The following SH3TC1 variants were observed in gnomAD, a reference collection of about 807,000 sequenced individuals.
SH3TC1 encodes SH3 domain and tetratricopeptide repeats 1, also known as SH3 domain and tetratricopeptide repeat-containing protein 1.
A neutral mutation model predicts 117.3 loss-of-function variants in SH3TC1; 135 were observed. The observed-to-expected ratio is 1.15, with a 90% CI of 1.00 to 1.33. The LOEUF (loss-of-function observed/expected upper bound fraction) is 1.33, where lower values mean the gene tolerates loss of function less well. Ranked by LOEUF, SH3TC1 falls within the 40% of genes most tolerant of loss-of-function variation. The pLI is 0.00. For missense variants in SH3TC1, 2,092 were observed against 1,794.3 expected (o/e 1.17, Z -3.00); for synonymous variants, 898 against 816.9 (o/e 1.10, Z -1.69).
At position 8,192,396 on chromosome 4, in the gene SH3TC1, A is replaced by G. The variant is rs1446949302; in HGVS notation, c.-57+10186A>G. Reference sequence around the variant, plus strand: ...TTTCGCCCTGCCCCTCAGTCTCCCCATTTGTAAGCCTGAAGGTTGTAAATT... The same window carrying G: ...TTTCGCCCTGCCCCTCAGTCTCCCCGTTTGTAAGCCTGAAGGTTGTAAATT... On this transcript the variant is annotated intron_variant, in intron 1 of 16. Coordinates refer to the SH3TC1 transcript ENST00000508641. This position sits in a 1 kb window ranked among gnomAD's most constrained non-coding sequence, Gnocchi z 4.1. Among the ~76,000 whole-genome samples, 2 of 151,994 alleles carry G rather than the reference A, an allele frequency of 1.3e-5. No homozygotes were observed. The highest frequency in any genetic ancestry group is 2.4e-5 in the African/African-American group (1 of 41,350).
rs117225837 is a variant in SH3TC1, at chr4:8,201,144, C to T, written c.-29+1739C>T. ...CCTAGAAGTATTTGTTCCGTAAGAG[C>T]CTGGCGAAAGCTTGGCCAAAGCTTC... On this transcript the variant is annotated intron_variant, in intron 1 of 17. Coordinates refer to ENST00000245105, the MANE Select transcript of SH3TC1 (RefSeq NM_018986.5). Among the ~76,000 whole-genome samples, 275 of 152,298 alleles carry T rather than the reference C, an allele frequency of 1.8e-3. 5 individuals are homozygous for T. The East Asian group carries it at 0.036, about 20-fold the overall frequency.
At chr4:8,207,492 G>T (rs1052631894) in intron 2 of SH3TC1, among the ~76,000 whole-genome samples, 8 of 152,148 alleles carry the variant, frequency 5.3e-5, no homozygotes, top group Non-Finnish European at 1.2e-4. Context: ...TCATGGGCTG[G>T]CCTGGCTGAA....
chr4:8,191,227 C>T (rs749402871), intron 1 of SH3TC1, among the ~76,000 whole-genome samples: 1 of 152,270 alleles, frequency 6.6e-6, no homozygotes, highest in Non-Finnish European at 1.5e-5. Flanking sequence ...GGACTGTGGA[C>T]CTGCTGGGCC....
intron 14 of SH3TC1, 58 bp downstream of exon 14, chr4:8,233,571 CCGTCCATT>C: frequency 6.6e-7 from 1 of 1,510,680 alleles, no homozygotes; most frequent in Non-Finnish European, 8.9e-7. Flanking sequence ...ATCCATCCAT[CCGTCCATT>C]GATGATGATG....
rs116610973 is a variant in SH3TC1, at chr4:8,234,582, C to T, written c.3283-851C>T. On this transcript the variant is annotated intron_variant, in intron 14 of 17. Transcript: ENST00000245105. ...GCTCATCCATTTATCCATCCATCCA[C>T]CCATCCATCCATCCATCCATCCATG... 8.6e-4 allele frequency among the ~76,000 whole-genome samples: 66 copies of T among 76,718 alleles called. 1 individual carries two copies. The highest frequency in any genetic ancestry group is 7.1e-3 in the Middle Eastern group (1 of 140). 50.3% of individuals were successfully genotyped at this position (76,718 alleles called of 152,430 possible). A position where few individuals can be genotyped will look rare whatever the true frequency, so the allele number is the denominator to read the frequency against.
Position 8,210,219 on chromosome 4 carries a change from G to A in SH3TC1, c.247+397G>A, listed in dbSNP as rs1037090165. ...GATCGCCGCAGGGCACAGGTGGAGG[G>A]AGGCAGCCCTGGGCCGGGGAGCAGA... On this transcript the variant is annotated intron_variant, in intron 3 of 17. Coordinates refer to ENST00000245105, the MANE Select transcript of SH3TC1 (RefSeq NM_018986.5). The surrounding 1 kb of genome is among the most constrained non-coding windows in gnomAD (Gnocchi z 4.1). Among the ~76,000 whole-genome samples, 1 of 152,196 alleles carries A rather than the reference G, an allele frequency of 6.6e-6. No homozygotes were observed. The highest frequency in any genetic ancestry group is 2.4e-5 in the African/African-American group (1 of 41,476).
At chr4:8,234,811 T>C (rs141240550) in intron 14 of SH3TC1, among the ~76,000 whole-genome samples, 324 of 152,356 alleles carry the variant, frequency 2.1e-3, no homozygotes, top group Middle Eastern at 0.014. Flanking sequence ...TCAAATAATG[T>C]GGCCTCTCAG....
intron 17 of SH3TC1, among the ~76,000 whole-genome samples, chr4:8,239,997 C>T (rs1450494755): frequency 6.6e-6 from 1 of 152,214 alleles, no homozygotes; most frequent in East Asian, 1.9e-4. Context: ...TGTCCTTGGC[C>T]CTGGGAGCCA....
chr4:8,226,598 G>A (rs542546905), intron 11 of SH3TC1, among the ~76,000 whole-genome samples: 3 of 152,330 alleles, frequency 2.0e-5, no homozygotes, highest in Non-Finnish European at 2.9e-5. Context: ...GTAGTGCTGC[G>A]TACACTTGGG....
chr4:8,215,796 C>T (rs1179394859), intron 5 of SH3TC1, among the ~76,000 whole-genome samples: 4 of 152,232 alleles, frequency 2.6e-5, no homozygotes, highest in South Asian at 2.1e-4. Flanking sequence ...ATACCCCCTG[C>T]GGCCTGCACG....
chr4:8,232,194 G>T (rs1437131646), intron 13 of SH3TC1, 38 bp downstream of exon 13: 3 of 344,086 alleles, frequency 8.7e-6, no homozygotes, highest in Non-Finnish European at 1.7e-5. Context: ...GCGGGGGGAG[G>T]GGGCAAAGGG....
intron 7 of SH3TC1, among the ~76,000 whole-genome samples, chr4:8,217,712 C>T (rs1040802791): frequency 2.6e-5 from 4 of 152,250 alleles, no homozygotes; most frequent in Non-Finnish European, 5.9e-5. Context: ...AGAGGAGCTT[C>T]TCCTAAGAAT....
chr4:8,236,164 A>T (rs1721794294), intron 15 of SH3TC1, 114 bp from the exon 16 acceptor site: 2 of 1,310,176 alleles, frequency 1.5e-6, no homozygotes, highest in East Asian at 5.6e-5. Flanking sequence ...AGCTGTGTCG[A>T]GGCCCAGGGG....
chr4:8,241,061 G>A lies in SH3TC1; in HGVS notation c.*106G>A. 3 of 1,469,286 alleles carry A rather than the reference G, an allele frequency of 2.0e-6. No individual in the cohort carries two copies. Among genetic ancestry groups the A allele is most frequent in the Non-Finnish European group, 2.7e-6 (3 of 1,101,720 alleles). The allele number at this position is 1,469,286 out of a possible 1,614,324, so 91.0% of individuals were successfully genotyped here. ...TGGCAAATGGAGGCACGAACGCAGG[G>A]GCCAAATAGCAATAAATGGGTTTTG... On this transcript the variant is annotated 3_prime_UTR_variant, in exon 18 of 18. Coordinates refer to ENST00000245105, the MANE Select transcript of SH3TC1 (RefSeq NM_018986.5).
chr4:8,235,481 G>C lies in SH3TC1; in HGVS notation c.3331G>C (p.Glu1111Gln). 1.2e-6 allele frequency: 2 copies of C among 1,604,398 alleles called. No individual in the cohort carries two copies. The highest frequency in any genetic ancestry group is 8.5e-7 in the Non-Finnish European group (1 of 1,174,486). ...CACAGGCGACCCCAACCTGGGGCTGGAGCTGTTTGAGGCGGCTGGAGACAT... is the reference window on the plus strand; with the variant it reads ...CACAGGCGACCCCAACCTGGGGCTGCAGCTGTTTGAGGCGGCTGGAGACAT... ...LYTGDPNLGLELFEAAGDIFF... is the reference protein window; with the variant it reads ...LYTGDPNLGLQLFEAAGDIFF... The change falls in exon 15 of 18, where the codon GAG becomes CAG. Residue 1111 changes from glutamate to glutamine, a missense_variant. By Grantham distance (29) the Glu-to-Gln change is conservative. Coordinates refer to ENST00000245105, the MANE Select transcript of SH3TC1 (RefSeq NM_018986.5).
chr4:8,216,895 G>A, intron 6 of SH3TC1, 62 bp from the exon 7 acceptor site: 3 of 1,551,284 alleles, frequency 1.9e-6, no homozygotes, highest in South Asian at 1.1e-5. Flanking sequence ...GGGGTGTGGG[G>A]GGCAGGGCCA....
At chr4:8,214,951 G>T (rs568524404) in intron 5 of SH3TC1, among the ~76,000 whole-genome samples, 29 of 152,346 alleles carry the variant, frequency 1.9e-4, no homozygotes, top group African/African-American at 6.7e-4. Flanking sequence ...CTCCCAAAGT[G>T]CTGGGATTAC....
chr4:8,222,961 T>C lies in SH3TC1; in HGVS notation c.1234T>C (p.Tyr412His), dbSNP rs1561701618. ...RMSGTDVCSV[Y>H]SLDSVEEAET... ...GTCGGGCACCGATGTCTGCAGCGTG[T>C]ACAGCCTGGGTGCGTGTGGGCGATG... is the stretch of plus-strand genomic sequence containing the variant. The change falls in exon 10 of 18, where the codon TAC (tyrosine) becomes CAC (histidine). Residue 412 changes from tyrosine to histidine, a missense_variant. By Grantham distance (83) the Tyr-to-His change is moderately conservative. Coordinates refer to ENST00000245105, the MANE Select transcript of SH3TC1 (RefSeq NM_018986.5). 2 of 1,611,822 alleles carry C rather than the reference T, an allele frequency of 1.2e-6. No individual in the cohort carries two copies. The highest frequency in any genetic ancestry group is 1.7e-6 in the Non-Finnish European group (2 of 1,179,474).
Position 8,192,257 on chromosome 4 carries a change from A to G in SH3TC1, c.-57+10047A>G, listed in dbSNP as rs1717440416. Among the ~76,000 whole-genome samples, 1 of 151,802 alleles carries G rather than the reference A, an allele frequency of 6.6e-6. No individual in the cohort carries two copies. Among genetic ancestry groups the G allele is most frequent in the African/African-American group, 2.4e-5 (1 of 41,312 alleles). On this transcript the variant is annotated intron_variant, in intron 1 of 16. Coordinates refer to the SH3TC1 transcript ENST00000508641. The surrounding 1 kb of genome is among the most constrained non-coding windows in gnomAD (Gnocchi z 4.1). ...GATCTGCACCCCCCTCGGCCTCCCA[A>G]AGTGCTGGGATTACAGGCGTGAGCC...
Sources: allele counts gnomAD v4.1 joint callset (sites outside exome capture counted in the v4.1 genomes callset), GRCh38; gene constraint gnomAD v4.1.1; non-coding constraint Gnocchi (gnomAD v3.1); transcripts MANE v1.5; gene names NCBI Gene and HGNC (gene_info 2026-07-23, HGNC 2026-07-21).